Variants in CFAP47 observed in about 807,000 individuals in gnomAD.
CFAP47 encodes the protein cilia- and flagella-associated protein 47.
CFAP47 carries 29 observed loss-of-function variants against 148.1 expected under a neutral mutation model. That is an observed-to-expected ratio of 0.20 (90% confidence interval 0.15 to 0.27). The LOEUF (loss-of-function observed/expected upper bound fraction) is 0.27, where lower values mean the gene tolerates loss of function less well. CFAP47 is among the 10% of genes least tolerant of loss of function. The probability of loss-of-function intolerance (pLI) is 1.00; values close to 1 mark genes in which losing one functional copy is unlikely to be tolerated. For missense variants in CFAP47, 1,872 were observed against 1,697.5 expected, an observed-to-expected ratio of 1.10 and a Z score of -1.81; for synonymous variants, 664 against 577.3, an observed-to-expected ratio of 1.15 and a Z score of -2.15.
At chrX:36,195,734 A>G (rs1939912787) in intron 42 of CFAP47, among the ~76,000 whole-genome samples, 1 of 111,428 alleles carries the variant, frequency 9.0e-6, no homozygotes, top group African/African-American at 3.3e-5. Context: ...TGCTATAAAG[A>G]TCAAACTTAA....
At chrX:35,962,011 T>G (rs1194928745) in intron 8 of CFAP47, among the ~76,000 whole-genome samples, 1 of 111,666 alleles carries the variant, frequency 9.0e-6, no homozygotes, top group Non-Finnish European at 1.9e-5. Context: ...TTTGGTATGT[T>G]GTGTTTTAGT....
At chrX:36,348,386 G>A in intron 58 of CFAP47, 98 bp downstream of exon 58, 1 of 393,618 alleles carries the variant, frequency 2.5e-6, no homozygotes, top group Non-Finnish European at 3.9e-6. Flanking sequence ...ATAATGTCAA[G>A]CTCATGATTT....
chrX:35,931,012 A>C (rs975480934), intron 2 of CFAP47, among the ~76,000 whole-genome samples: 1 of 111,551 alleles, frequency 9.0e-6, no homozygotes, highest in African/African-American at 3.2e-5. Flanking sequence ...TGATATTGGA[A>C]ATTAGATAAT....
At position 35,993,309 on chromosome X, in the gene CFAP47, T is replaced by C. The variant is rs1936808863; in HGVS notation, c.3087T>C (p.Asp1029=). 1 of 293,582 alleles carries C rather than the reference T, an allele frequency of 3.4e-6. No individual in the cohort carries two copies. The highest frequency in any genetic ancestry group is 2.8e-5 in the African/African-American group (1 of 36,226). 24.2% of individuals were successfully genotyped at this position (293,582 alleles called of 1,213,427 possible). ...AACCCACTGTGGCAGAAAAGTTTGATACAAGAGCAAAGGTATGTCCATACA... is the reference window on the plus strand; with the variant it reads ...AACCCACTGTGGCAGAAAAGTTTGACACAAGAGCAAAGGTATGTCCATACA... ...SCKPTVAEKF[D]TRAKVSIRHA... The change falls in exon 18 of 64, where the codon GAT becomes GAC. Residue 1029 remains aspartate, a synonymous_variant. Transcript: ENST00000378653.
intron 26 of CFAP47, among the ~76,000 whole-genome samples, chrX:36,057,972 G>A (rs1242731996): frequency 9.0e-6 from 1 of 111,728 alleles, no homozygotes; most frequent in Non-Finnish European, 1.9e-5. Context: ...AGCATCAATG[G>A]CAGGAAGTTG....
At chrX:35,953,519 G>A (rs1471684662) in intron 6 of CFAP47, 73 bp from the exon 7 acceptor site, 2 of 770,371 alleles carry the variant, frequency 2.6e-6, no homozygotes, top group African/African-American at 2.2e-5. Flanking sequence ...AGATTGGATT[G>A]ATATTTCCTC....
rs1183258291 is a variant in CFAP47 at position 36,382,945 on chromosome X, A to G, written c.9355-1852A>G. On this transcript the variant is annotated intron_variant, in intron 63 of 63. Coordinates refer to ENST00000378653, the MANE Select transcript of CFAP47 (RefSeq NM_001304548.2). Reference sequence around the variant, plus strand: ...TTGGGGATAGAAGATATAAAGTTATATCTTTAAATTTTTTAAAATATACAT... The same window carrying G: ...TTGGGGATAGAAGATATAAAGTTATGTCTTTAAATTTTTTAAAATATACAT... Among the ~76,000 whole-genome samples, 32 of 111,568 alleles carry G rather than the reference A, an allele frequency of 2.9e-4. No individual in the cohort carries two copies. The Admixed American group carries it at 3.1e-3, about 11-fold the overall frequency.
chrX:36,323,833 G>T (rs1941496869), intron 57 of CFAP47, among the ~76,000 whole-genome samples: 2 of 111,677 alleles, frequency 1.8e-5, no homozygotes, highest in South Asian at 7.3e-4. Flanking sequence ...TGGAGCTCTA[G>T]CCACTGAAAC....
Position 36,051,865 on chromosome X carries a change from G to C in CFAP47, c.4217+4802G>C, listed in dbSNP as rs139630931. Among the ~76,000 whole-genome samples, 12 of 111,158 alleles carry C rather than the reference G, an allele frequency of 1.1e-4. No homozygotes were observed. In the East Asian group the frequency reaches 3.1e-3, roughly 29 times the overall value. ...ATATGTCATGGGAGGGACCCAGTCA[G>C]AGGTAATTGAATCAGGGGGGTGGGT... On this transcript the variant is annotated intron_variant, in intron 26 of 63. Transcript: ENST00000378653.
chrX:35,939,849 A>C, intron 2 of CFAP47, among the ~76,000 whole-genome samples: 1 of 98,922 alleles, frequency 1.0e-5, no homozygotes, highest in Non-Finnish European at 2.0e-5. Flanking sequence ...TTCTAGTTCT[A>C]GATCCCTGAG....
chrX:36,194,927 C>A (rs868906132), intron 42 of CFAP47, among the ~76,000 whole-genome samples: 1 of 112,227 alleles, frequency 8.9e-6, no homozygotes, highest in Non-Finnish European at 1.9e-5. Flanking sequence ...GCCTATCTCA[C>A]ACAGAAACTT....
At chrX:35,991,516 T>C (rs2146684279) in intron 16 of CFAP47, among the ~76,000 whole-genome samples, 1 of 110,372 alleles carries the variant, frequency 9.1e-6, no homozygotes, top group Admixed American at 9.7e-5. Flanking sequence ...CCTGTGATGT[T>C]ATTACCCCAT....
rs1297818312 is a variant in CFAP47, at chrX:36,138,431, T to C, written c.5502T>C (p.Thr1834=). 8.6e-7 allele frequency: 1 copy of C among 1,161,700 alleles called. No individual in the cohort carries two copies. Among genetic ancestry groups the C allele is most frequent in the South Asian group, 2.1e-5 (1 of 46,766 alleles). The change falls in exon 35 of 64, where the codon ACT becomes ACC. Residue 1834 remains threonine (T), a synonymous_variant. Transcript: ENST00000378653. ...ACAATTGCCTGATTATTGTAAATAC[T>C]CTTTATGAAATTGACTTTGACGTGG... ...YLHNCLIIVN[T]LYEIDFDVEI...
chrX:35,963,913 GTTTA>G (rs1936367493), intron 8 of CFAP47, among the ~76,000 whole-genome samples: 1 of 111,183 alleles, frequency 9.0e-6, no homozygotes, highest in South Asian at 3.7e-4. Flanking sequence ...AATAATATGT[GTTTA>G]TTCTTTAAAA....
intron 56 of CFAP47, among the ~76,000 whole-genome samples, chrX:36,316,562 T>G (rs1472146392): frequency 8.9e-6 from 1 of 112,281 alleles, no homozygotes; most frequent in African/African-American, 3.2e-5. Flanking sequence ...TCACTACATT[T>G]TTCCTCAGTA....
intron 57 of CFAP47, among the ~76,000 whole-genome samples, chrX:36,323,577 G>A (rs1226824451): frequency 9.0e-6 from 1 of 111,019 alleles, no homozygotes; most frequent in Non-Finnish European, 1.9e-5. Flanking sequence ...CAACTGTTAC[G>A]ACTAACATAT....
intron 10 of CFAP47, 36 bp from the exon 11 acceptor site, chrX:35,970,732 A>G: frequency 9.3e-7 from 1 of 1,070,666 alleles, no homozygotes; most frequent in Non-Finnish European, 1.2e-6. Context: ...ACAAATGCAT[A>G]TATAAAAATA....
chrX:36,038,152 T>G (rs183248739), intron 24 of CFAP47, among the ~76,000 whole-genome samples: 1 of 111,963 alleles, frequency 8.9e-6, no homozygotes, highest in Non-Finnish European at 1.9e-5. Flanking sequence ...TAGCACTAAG[T>G]GCCACTTTTG....
intron 45 of CFAP47, among the ~76,000 whole-genome samples, chrX:36,205,892 T>A (rs986663769): frequency 4.5e-5 from 5 of 112,079 alleles, no homozygotes; most frequent in Middle Eastern, 4.7e-3. Flanking sequence ...TTTTGTTAAA[T>A]CTTCATTTGT....
Sources: allele counts gnomAD v4.1 joint callset (sites outside exome capture counted in the v4.1 genomes callset), GRCh38; gene constraint gnomAD v4.1.1; transcripts MANE v1.5; gene names NCBI Gene and HGNC (gene_info 2026-07-23, HGNC 2026-07-21).